The following ADAMTS2 variants were observed in gnomAD, a reference collection of about 807,000 sequenced individuals.
The protein encoded by ADAMTS2 is A disintegrin and metalloproteinase with thrombospondin motifs 2.
A neutral mutation model predicts 123.0 loss-of-function variants in ADAMTS2; 50 were observed. That is an observed-to-expected ratio of 0.41 (90% CI 0.32 to 0.51). The LOEUF (loss-of-function observed/expected upper bound fraction) is 0.51, where lower values mean the gene tolerates loss of function less well. ADAMTS2 is among the 20% of genes least tolerant of loss of function. The pLI is 0.35. For missense variants in ADAMTS2, 1,494 were observed against 1,705.2 expected (o/e 0.88, Z 2.18); for synonymous variants, 678 against 695.4 (o/e 0.98, Z 0.39).
rs34757332 is a variant in ADAMTS2, at chr5:179,189,674, G to C, written c.892-8519C>G. Among the ~76,000 whole-genome samples the C allele has an allele frequency of 0.034, 5,204 of 151,688 alleles. 112 individuals carry two copies. The highest frequency in any genetic ancestry group is 0.064 in the South Asian group (305 of 4,784). On this transcript the variant is annotated intron_variant, in intron 4 of 21. Transcript: ENST00000251582. This position sits in a 1 kb window ranked among gnomAD's most constrained non-coding sequence, Gnocchi z 4.2. Reference sequence around the variant, plus strand: ...GCCCGGCCAGGAGCAATTTTTTGTGGGCTGGGGACGGATTTTACAAAGTAC... The same window carrying C: ...GCCCGGCCAGGAGCAATTTTTTGTGCGCTGGGGACGGATTTTACAAAGTAC...
intron 17 of ADAMTS2, among the ~76,000 whole-genome samples, chr5:179,127,012 TGAG>T (rs1197264051): frequency 2.6e-5 from 4 of 152,304 alleles, no homozygotes; most frequent in African/African-American, 9.6e-5. Flanking sequence ...CTGGAGGCCA[TGAG>T]GAGAATTTTG....
chr5:179,311,018 C>T (rs1756817048), intron 2 of ADAMTS2, among the ~76,000 whole-genome samples: 1 of 152,032 alleles, frequency 6.6e-6, no homozygotes, highest in South Asian at 2.1e-4. Context: ...CAAAGACCAC[C>T]CTCTCCACTC....
intron 2 of ADAMTS2, among the ~76,000 whole-genome samples, chr5:179,329,077 C>T (rs1312520468): frequency 6.6e-6 from 1 of 152,194 alleles, no homozygotes; most frequent in Non-Finnish European, 1.5e-5. Context: ...CCTGCAATCC[C>T]AGCACTTTGG....
In ADAMTS2 at chr5:179,141,813, C is replaced by T. The variant is rs961585096; in HGVS notation, c.1630-1778G>A. 2.6e-5 allele frequency among the ~76,000 whole-genome samples: 4 copies of T among 152,190 alleles called. No individual in the cohort carries two copies. The East Asian group carries it at 7.7e-4, about 29-fold the overall frequency. On this transcript the variant is annotated intron_variant, in intron 10 of 21. Coordinates refer to ENST00000251582, the MANE Select transcript of ADAMTS2 (RefSeq NM_014244.5). ...TCTCTCTGGTGGGATGGCCAAGAGG[C>T]CTGGGGCCCCCTTCCCCCACCCAGG...
intron 3 of ADAMTS2, among the ~76,000 whole-genome samples, chr5:179,253,666 C>T (rs938096071): frequency 4.0e-5 from 6 of 151,796 alleles, no homozygotes; most frequent in Non-Finnish European, 5.9e-5. Context: ...AAAGGCATCC[C>T]TTTTTCTCTA....
chr5:179,262,540 C>T lies in ADAMTS2; in HGVS notation c.688+10371G>A, dbSNP rs1747290849. Among the ~76,000 whole-genome samples the T allele has an allele frequency of 6.6e-6, 1 of 152,162 alleles. No homozygotes were observed. Among genetic ancestry groups the T allele is most frequent in the African/African-American group, 2.4e-5 (1 of 41,432 alleles). On this transcript the variant is annotated intron_variant, in intron 3 of 21. Transcript: ENST00000251582. This position sits in a 1 kb window ranked among gnomAD's most constrained non-coding sequence, Gnocchi z 5.9. The stretch of plus-strand genomic sequence containing the variant: ...ACGCCTCCCACTCCCCCATTACGTC[C>T]TCAGTTCCAGGTACTAGCTCTTCCT...
At chr5:179,154,759 G>A in intron 7 of ADAMTS2, 55 bp downstream of exon 7, 3 of 1,440,860 alleles carry the variant, frequency 2.1e-6, no homozygotes, top group Non-Finnish European at 2.9e-6. Context: ...GGGCAGCCAG[G>A]GCTGGGGATC....
chr5:179,270,387 C>G (rs931902917), intron 3 of ADAMTS2, among the ~76,000 whole-genome samples: 1 of 152,208 alleles, frequency 6.6e-6, no homozygotes, highest in Non-Finnish European at 1.5e-5. Context: ...GTGCTTCACA[C>G]CCACTTCCAG....
In ADAMTS2 at chr5:179,117,343, T is replaced by C. The variant is rs1384560386; in HGVS notation, c.3179-3019A>G. Among the ~76,000 whole-genome samples the C allele has an allele frequency of 6.6e-6, 1 of 152,142 alleles. No individual in the cohort carries two copies. The highest frequency in any genetic ancestry group is 2.4e-5 in the African/African-American group (1 of 41,426). On this transcript the variant is annotated intron_variant, in intron 21 of 21. Transcript: ENST00000251582. The surrounding 1 kb of genome is among the most constrained non-coding windows in gnomAD (Gnocchi z 4.2). ...ACACTGCCCCCTCTCCTGTTGCCCA[T>C]AGTTTTTCCTTCACACAGATAAGGC...
intron 5 of ADAMTS2, among the ~76,000 whole-genome samples, chr5:179,161,922 G>A (rs1216659399): frequency 6.6e-6 from 1 of 152,190 alleles, no homozygotes; most frequent in Non-Finnish European, 1.5e-5. Context: ...AAATCAGAGG[G>A]TCAGCACAAA....
chr5:179,206,918 C>G (rs556403992), intron 4 of ADAMTS2, among the ~76,000 whole-genome samples: 2 of 152,242 alleles, frequency 1.3e-5, no homozygotes, highest in East Asian at 3.9e-4. Flanking sequence ...TTTCAATAGC[C>G]CAGACTCACA....
chr5:179,336,691 A>G (rs1407453035), intron 2 of ADAMTS2, among the ~76,000 whole-genome samples: 1 of 152,066 alleles, frequency 6.6e-6, no homozygotes, highest in Admixed American at 6.5e-5. Context: ...CTTGCTGCAC[A>G]CCCACCCTTT....
chr5:179,279,622 C>G (rs1281659384), intron 2 of ADAMTS2, among the ~76,000 whole-genome samples: 1 of 152,224 alleles, frequency 6.6e-6, no homozygotes, highest in African/African-American at 2.4e-5. Context: ...CTCCCAGCTC[C>G]CCAGGGAGGT....
chr5:179,344,090 C>T lies in ADAMTS2; in HGVS notation c.211G>A (p.Val71Met). Residue 71 changes from valine to methionine, a missense_variant, in exon 2 of 22, where the codon GTG (valine) becomes ATG (methionine). Around this residue, in one of 6 missense-constraint regions of ADAMTS2, gnomAD observed 237 missense variants for 233.7 expected, o/e 1.01. Coordinates refer to ENST00000251582, the MANE Select transcript of ADAMTS2 (RefSeq NM_014244.5). ...PVRTDAQGRL[V>M]SHVVSAATSR... ...GTAGCTGCCGACACCACGTGGGACA[C>T]CAAGCGGCCCTGGGCGTCAGTGCGC... 6.2e-7 allele frequency: 1 copy of T among 1,610,410 alleles called. No homozygotes were observed. Among genetic ancestry groups the T allele is most frequent in the Non-Finnish European group, 8.5e-7 (1 of 1,178,508 alleles).
At chr5:179,192,814 C>T (rs985265511) in intron 4 of ADAMTS2, among the ~76,000 whole-genome samples, 1 of 152,210 alleles carries the variant, frequency 6.6e-6, no homozygotes, top group East Asian at 1.9e-4. Context: ...CTGGCACCAT[C>T]GTGATCTCCA....
chr5:179,319,210 A>G lies in ADAMTS2; in HGVS notation c.534+24557T>C, dbSNP rs761289892. On this transcript the variant is annotated intron_variant, in intron 2 of 21. Coordinates refer to ENST00000251582, the MANE Select transcript of ADAMTS2 (RefSeq NM_014244.5). The stretch of plus-strand genomic sequence containing the variant: ...ATGCAGACGCATGCACACACACATC[A>G]CTCATATGTGCATCTCCTGTGACAC... Among the ~76,000 whole-genome samples, 11 of 152,042 alleles carry G rather than the reference A, an allele frequency of 7.2e-5. No homozygotes were observed. The South Asian group carries it at 2.1e-3, about 29-fold the overall frequency.
Position 179,112,460 on chromosome 5 carries a change from T to G in ADAMTS2, c.*1407A>C, listed in dbSNP as rs1298888986. 1 of 152,206 alleles carries G rather than the reference T, an allele frequency of 6.6e-6. No individual in the cohort carries two copies. Among genetic ancestry groups the G allele is most frequent in the African/African-American group, 2.4e-5 (1 of 41,454 alleles). 9.4% of individuals were successfully genotyped at this position (152,206 alleles called of 1,614,324 possible). A position where few individuals can be genotyped will look rare whatever the true frequency, so the allele number is the denominator to read the frequency against. On this transcript the variant is annotated 3_prime_UTR_variant, in exon 22 of 22. Coordinates refer to ENST00000251582, the MANE Select transcript of ADAMTS2 (RefSeq NM_014244.5). The stretch of plus-strand genomic sequence containing the variant: ...TCCTCCTATTTCTCTCTTACTCGCA[T>G]GTTGCTCACAAAGCACCATTCTCTG...
Position 179,137,849 on chromosome 5 carries a change from T to C in ADAMTS2, c.1871A>G (p.Glu624Gly). ...DCPDSLADFREEQCRQWDLYF... is the reference protein window; with the variant it reads ...DCPDSLADFRGEQCRQWDLYF... ...CAGGTCCCACTGGCGGCACTGCTCC[T>C]CGCGGAAGTCAGCCAGGGAGTCGGG... is the stretch of plus-strand genomic sequence containing the variant. The change falls in exon 12 of 22, where the codon GAG (glutamate) becomes GGG (glycine). Residue 624 changes from glutamate (E) to glycine (G), a missense_variant. By Grantham distance (98) the Glu-to-Gly change is moderately conservative. Around this residue, in one of 6 missense-constraint regions of ADAMTS2, gnomAD observed 953 missense variants for 1,124.7 expected, o/e 0.85. Coordinates refer to ENST00000251582, the MANE Select transcript of ADAMTS2 (RefSeq NM_014244.5). The C allele has an allele frequency of 6.4e-7, 1 of 1,567,272 alleles. No individual in the cohort carries two copies. Among genetic ancestry groups the C allele is most frequent in the Non-Finnish European group, 8.6e-7 (1 of 1,157,452 alleles).
rs540518005 is a variant in ADAMTS2 at position 179,115,230 on chromosome 5, C to T, written c.3179-906G>A. 2.0e-5 allele frequency among the ~76,000 whole-genome samples: 3 copies of T among 152,290 alleles called. No individual in the cohort carries two copies. The South Asian group carries it at 6.2e-4, about 32-fold the overall frequency. ...CATCTTCTCCCTGGCCCATCTCGACCTCTGTCTGCGGCTATGTTCATTCAA... is the reference window on the plus strand; with the variant it reads ...CATCTTCTCCCTGGCCCATCTCGACTTCTGTCTGCGGCTATGTTCATTCAA... On this transcript the variant is annotated intron_variant, in intron 21 of 21. Transcript: ENST00000251582. The surrounding 1 kb of genome is among the most constrained non-coding windows in gnomAD (Gnocchi z 4.4).
Sources: gnomAD v4.1 joint callset for allele counts (sites outside exome capture counted in the v4.1 genomes callset) on GRCh38, gnomAD v4.1.1 for gene constraint, gnomAD v4.1.1 regional missense constraint, Gnocchi (gnomAD v3.1) non-coding constraint, MANE v1.5 for transcripts, NCBI Gene and HGNC (gene_info 2026-07-23, HGNC 2026-07-21) for gene names.